The following ERBB4 variants were observed in gnomAD, a reference collection of about 807,000 sequenced individuals.
ERBB4 encodes the protein receptor tyrosine-protein kinase erbB-4.
In ERBB4, 42 loss-of-function variants were observed where a neutral mutation model predicts 158.0. The ratio of observed to expected loss-of-function variants is 0.27; its 90% CI spans 0.21 to 0.34. The LOEUF (loss-of-function observed/expected upper bound fraction) is 0.34, where lower values mean the gene tolerates loss of function less well. Ranked by LOEUF, ERBB4 falls within the 10% of genes least tolerant of loss-of-function variation. The pLI is 1.00. For synonymous variants in ERBB4, 583 were observed against 558.7 expected (o/e 1.04, Z -0.61); for missense variants, 1,333 against 1,624.1 (o/e 0.82, Z 3.08).
chr2:211,389,709 A>C (rs1227786841), intron 25 of ERBB4, among the ~76,000 whole-genome samples: 1 of 152,192 alleles, frequency 6.6e-6, no homozygotes, highest in Non-Finnish European at 1.5e-5. Flanking sequence ...CTCCAGTTCC[A>C]ATGATAAGTG....
At chr2:212,307,874 A>G (rs940968228) in intron 1 of ERBB4, among the ~76,000 whole-genome samples, 4 of 150,994 alleles carry the variant, frequency 2.6e-5, no homozygotes, top group Admixed American at 6.6e-5. Flanking sequence ...AGAGTTCTCT[A>G]GGAGCAGCCA....
At chr2:211,626,155 G>A (rs1415560174) in intron 17 of ERBB4, among the ~76,000 whole-genome samples, 1 of 152,074 alleles carries the variant, frequency 6.6e-6, no homozygotes, top group African/African-American at 2.4e-5. Flanking sequence ...GATAACATAT[G>A]TGGAAAATTC....
intron 12 of ERBB4, among the ~76,000 whole-genome samples, chr2:211,701,704 C>G (rs1016159818): frequency 1.5e-5 from 2 of 133,976 alleles, no homozygotes; most frequent in Admixed American, 9.2e-5. Context: ...TGCAGTGAGC[C>G]GAGATCTCGC....
intron 1 of ERBB4, among the ~76,000 whole-genome samples, chr2:212,480,144 A>C (rs1487746712): frequency 2.1e-4 from 32 of 152,186 alleles, no homozygotes; most frequent in Admixed American, 2.0e-3. Flanking sequence ...GATGGTACTT[A>C]AAATACCTGA....
intron 3 of ERBB4, among the ~76,000 whole-genome samples, chr2:211,825,255 A>G (rs1411352362): frequency 6.6e-6 from 1 of 151,900 alleles, no homozygotes; most frequent in Admixed American, 6.6e-5. Context: ...AATGATAATA[A>G]GTAGTTAACG....
chr2:212,178,381 G>T (rs2125685576), intron 1 of ERBB4, among the ~76,000 whole-genome samples: 2 of 151,814 alleles, frequency 1.3e-5, no homozygotes, highest in South Asian at 4.1e-4. Context: ...CTAAAAATGA[G>T]AGTTATGTAA....
intron 1 of ERBB4, among the ~76,000 whole-genome samples, chr2:212,239,053 T>G (rs1398974989): frequency 6.6e-6 from 1 of 152,222 alleles, no homozygotes; most frequent in Non-Finnish European, 1.5e-5. Flanking sequence ...ATTTAATTTC[T>G]TTTTTAAAAT....
chr2:212,104,250 C>G (rs1415460637), intron 2 of ERBB4, among the ~76,000 whole-genome samples: 1 of 152,068 alleles, frequency 6.6e-6, no homozygotes, highest in Non-Finnish European at 1.5e-5. Context: ...ATTCAAAGAA[C>G]TGTTTCTATT....
chr2:211,861,058 T>TAA (rs2078013423), intron 3 of ERBB4, among the ~76,000 whole-genome samples: 1 of 57,144 alleles, frequency 1.7e-5, no homozygotes, highest in African/African-American at 7.1e-5. Flanking sequence ...TTTATATATA[T>TAA]ATAAATATAA....
At chr2:211,497,881 G>C (rs1219762400) in intron 20 of ERBB4, among the ~76,000 whole-genome samples, 1 of 152,050 alleles carries the variant, frequency 6.6e-6, no homozygotes, top group Non-Finnish European at 1.5e-5. Flanking sequence ...ATCTATTTTT[G>C]TCTAACTAGA....
intron 1 of ERBB4, among the ~76,000 whole-genome samples, chr2:212,395,417 A>G (rs2090995356): frequency 6.6e-6 from 1 of 151,942 alleles, no homozygotes; most frequent in Non-Finnish European, 1.5e-5. Flanking sequence ...TAAATATAAA[A>G]GAAAATAGAG....
chr2:211,401,726 G>A (rs913926282), intron 25 of ERBB4, among the ~76,000 whole-genome samples: 1 of 152,006 alleles, frequency 6.6e-6, no homozygotes, highest in African/African-American at 2.4e-5. Flanking sequence ...ACCTTGGAAA[G>A]AAAGCAGCCA....
intron 1 of ERBB4, among the ~76,000 whole-genome samples, chr2:212,158,616 G>A (rs1034023821): frequency 6.6e-6 from 1 of 151,872 alleles, no homozygotes; most frequent in African/African-American, 2.4e-5. Flanking sequence ...ACTTTATTAA[G>A]TAATCATGTC....
chr2:212,197,291 G>C (rs1326728711), intron 1 of ERBB4, among the ~76,000 whole-genome samples: 1 of 152,112 alleles, frequency 6.6e-6, no homozygotes, highest in Non-Finnish European at 1.5e-5. Context: ...GAACAATAAA[G>C]ACACAAATTA....
At chr2:211,851,763 T>C (rs1035283826) in intron 3 of ERBB4, among the ~76,000 whole-genome samples, 2 of 152,032 alleles carry the variant, frequency 1.3e-5, no homozygotes, top group African/African-American at 4.8e-5. Flanking sequence ...ATAAGAGATA[T>C]ATGCATTGAA....
chr2:212,519,982 A>T (rs963278333), intron 1 of ERBB4, among the ~76,000 whole-genome samples: 25 of 152,002 alleles, frequency 1.6e-4, no homozygotes, highest in African/African-American at 6.0e-4. Flanking sequence ...TTCTAATTTA[A>T]TTATTATACA....
chr2:212,257,442 T>C (rs958758388), intron 1 of ERBB4, among the ~76,000 whole-genome samples: 1 of 152,166 alleles, frequency 6.6e-6, no homozygotes, highest in African/African-American at 2.4e-5. Context: ...ACTAACTCTT[T>C]TGTTATCTAG....
chr2:212,425,355 T>C (rs1403061605), intron 1 of ERBB4, among the ~76,000 whole-genome samples: 2 of 148,232 alleles, frequency 1.3e-5, no homozygotes, highest in Non-Finnish European at 3.0e-5. Context: ...TATATGAACA[T>C]ATATGTATAT....
intron 3 of ERBB4, among the ~76,000 whole-genome samples, chr2:211,890,487 C>A (rs1039248771): frequency 9.9e-5 from 15 of 151,906 alleles, no homozygotes; most frequent in Non-Finnish European, 2.1e-4. Context: ...CTAGGAAGAA[C>A]CTGCATCAAC....
Sources: gnomAD v4.1 joint callset for allele counts (sites outside exome capture counted in the v4.1 genomes callset) on GRCh38, gnomAD v4.1.1 for gene constraint, MANE v1.5 for transcripts, NCBI Gene and HGNC (gene_info 2026-07-23, HGNC 2026-07-21) for gene names.